The following TENM4 variants were observed in gnomAD, a reference collection of about 807,000 sequenced individuals.
TENM4 encodes teneurin-4.
A neutral mutation model predicts 243.3 loss-of-function variants in TENM4; 82 were observed. That is an observed-to-expected ratio of 0.34 (90% confidence interval 0.28 to 0.40). The LOEUF (loss-of-function observed/expected upper bound fraction) is 0.40, where lower values mean the gene tolerates loss of function less well. TENM4 is among the 10% of genes least tolerant of loss of function. The pLI is 1.00. For missense variants in TENM4, 3,138 were observed against 3,673.3 expected (o/e 0.85, Z 3.77); for synonymous variants, 1,412 against 1,456.3 (o/e 0.97, Z 0.69).
At chr11:78,892,130 C>G (rs1014256831) in intron 7 of TENM4, among the ~76,000 whole-genome samples, 8 of 152,200 alleles carry the variant, frequency 5.3e-5, no homozygotes, top group African/African-American at 1.7e-4. Context: ...GCTCTTTGTT[C>G]CCCAAGTGCA....
intron 6 of TENM4, among the ~76,000 whole-genome samples, chr11:78,967,400 A>C (rs1326103500): frequency 2.6e-5 from 4 of 152,250 alleles, no homozygotes; most frequent in Admixed American, 2.6e-4. Context: ...GTGAGAAATA[A>C]GACAGGAATG....
intron 26 of TENM4, among the ~76,000 whole-genome samples, chr11:78,709,724 C>T (rs1167751156): frequency 6.6e-6 from 1 of 152,196 alleles, no homozygotes; most frequent in Non-Finnish European, 1.5e-5. Flanking sequence ...GAGAACCACT[C>T]CACTGTATCA....
chr11:79,075,104 TAAC>T (rs1308613875), intron 4 of TENM4, among the ~76,000 whole-genome samples: 1 of 152,240 alleles, frequency 6.6e-6, no homozygotes, highest in African/African-American at 2.4e-5. Context: ...GAACTAATAA[TAAC>T]ACCAGCCACC....
intron 2 of TENM4, among the ~76,000 whole-genome samples, chr11:79,289,079 C>T (rs1856309992): frequency 6.6e-6 from 1 of 152,182 alleles, no homozygotes; most frequent in Non-Finnish European, 1.5e-5. Context: ...GCAATCATAA[C>T]ACTCAAGACT....
intron 6 of TENM4, among the ~76,000 whole-genome samples, chr11:79,026,409 C>T (rs374461529): frequency 3.0e-4 from 46 of 152,174 alleles, no homozygotes; most frequent in East Asian, 1.2e-3. Flanking sequence ...CCCAAGGAAG[C>T]GAGTGGAAGG....
intron 4 of TENM4, among the ~76,000 whole-genome samples, chr11:79,090,944 C>T (rs568514809): frequency 6.6e-6 from 1 of 152,282 alleles, no homozygotes; most frequent in South Asian, 2.1e-4. Flanking sequence ...GGCTGCCTCC[C>T]TCACCCATTC....
chr11:79,016,602 T>G (rs916647958), intron 6 of TENM4, among the ~76,000 whole-genome samples: 3 of 152,166 alleles, frequency 2.0e-5, no homozygotes, highest in African/African-American at 7.2e-5. Flanking sequence ...ACACATTCGG[T>G]TGATATTTAA....
chr11:79,392,498 C>A (rs887970420), intron 1 of TENM4, among the ~76,000 whole-genome samples: 22 of 152,194 alleles, frequency 1.4e-4, no homozygotes, highest in African/African-American at 5.3e-4. Context: ...AGAATATACA[C>A]CCACATGTTT....
chr11:79,328,223 T>C (rs755511019), intron 1 of TENM4, among the ~76,000 whole-genome samples: 1 of 152,218 alleles, frequency 6.6e-6, no homozygotes, highest in Non-Finnish European at 1.5e-5. Context: ...TTGGATGTGA[T>C]GGTTCTCATT....
intron 4 of TENM4, among the ~76,000 whole-genome samples, chr11:79,118,309 T>C (rs928749642): frequency 6.6e-6 from 1 of 152,220 alleles, no homozygotes; most frequent in African/African-American, 2.4e-5. Flanking sequence ...TGTATTAGGC[T>C]CTTTAGAGAT....
At chr11:78,879,890 G>A (rs915954259) in intron 9 of TENM4, among the ~76,000 whole-genome samples, 13 of 151,904 alleles carry the variant, frequency 8.6e-5, no homozygotes, top group East Asian at 3.9e-4. Context: ...TGGCTGCCCC[G>A]TCTGGGAAGT....
rs374968391 is a variant in TENM4, at chr11:78,903,428, T to C, written c.589A>G (p.Ile197Val). 194 of 1,547,282 alleles carry C rather than the reference T, an allele frequency of 1.3e-4. No individual in the cohort carries two copies. In the African/African-American group the frequency reaches 2.3e-3, roughly 19 times the overall value. ...AAGTTGCCCCGGTTCAGGGAGTTAA[T>C]GGAGGCCGCGTGGTGCTGGTTGGGG... ...HTPNQHHAAS[I>V]NSLNRGNFTP... The change falls in exon 7 of 34, where the codon ATT becomes GTT. Residue 197 changes from isoleucine to valine, a missense_variant. Ile to Val is a conservative substitution (Grantham distance 29). This residue lies in a region of TENM4 where 671 missense variants were observed against 614.1 expected (regional missense o/e 1.09). Coordinates refer to ENST00000278550, the MANE Select transcript of TENM4 (RefSeq NM_001098816.3).
At chr11:78,855,533 C>T (rs1290659344) in intron 11 of TENM4, among the ~76,000 whole-genome samples, 3 of 152,196 alleles carry the variant, frequency 2.0e-5, no homozygotes, top group South Asian at 4.1e-4. Flanking sequence ...CTTCTTTCTT[C>T]ACAACAGCCC....
chr11:78,873,997 T>C (rs1859202594), intron 9 of TENM4, among the ~76,000 whole-genome samples: 1 of 152,020 alleles, frequency 6.6e-6, no homozygotes, highest in Non-Finnish European at 1.5e-5. Context: ...ATTTCCACCA[T>C]CACTCCCAGC....
intron 12 of TENM4, among the ~76,000 whole-genome samples, chr11:78,845,861 T>C (rs1461685758): frequency 6.6e-6 from 1 of 152,206 alleles, no homozygotes; most frequent in African/African-American, 2.4e-5. Flanking sequence ...TCTATCAGAA[T>C]CTACATCTGA....
At chr11:79,151,884 G>A (rs1482561634) in intron 3 of TENM4, among the ~76,000 whole-genome samples, 1 of 152,026 alleles carries the variant, frequency 6.6e-6, no homozygotes. Context: ...CTGTCTCCTT[G>A]GAGGTAAGAG....
chr11:79,347,601 C>T (rs974016941), intron 1 of TENM4, among the ~76,000 whole-genome samples: 1 of 152,156 alleles, frequency 6.6e-6, no homozygotes, highest in African/African-American at 2.4e-5. Flanking sequence ...CAGACAGCCA[C>T]ACTCTCCAGA....
intron 4 of TENM4, among the ~76,000 whole-genome samples, chr11:79,095,249 A>C (rs1430648486): frequency 6.6e-6 from 1 of 152,116 alleles, no homozygotes; most frequent in Non-Finnish European, 1.5e-5. Flanking sequence ...TCATATGAGG[A>C]AATGGAAGCT....
chr11:79,237,884 T>C (rs1864509596), intron 2 of TENM4, among the ~76,000 whole-genome samples: 1 of 152,140 alleles, frequency 6.6e-6, no homozygotes, highest in Non-Finnish European at 1.5e-5. Flanking sequence ...CAAAGTTCTC[T>C]AACCATACAC....
Sources: gnomAD v4.1 joint callset for allele counts (sites outside exome capture counted in the v4.1 genomes callset) on GRCh38, gnomAD v4.1.1 for gene constraint, gnomAD v4.1.1 regional missense constraint, MANE v1.5 for transcripts, NCBI Gene and HGNC (gene_info 2026-07-23, HGNC 2026-07-21) for gene names.